The following COL26A1 variants were observed in gnomAD, a reference collection of about 807,000 sequenced individuals.
COL26A1 encodes the protein collagen type XXVI alpha 1 chain.
COL26A1 carries 41 observed loss-of-function variants against 59.3 expected under a neutral mutation model. The observed-to-expected ratio is 0.69, with a 90% CI of 0.54 to 0.90. The LOEUF is 0.90. Among genes scored for constraint, COL26A1 ranks in the 40% least tolerant of loss-of-function variants. The pLI is 0.00. For missense variants in COL26A1, 612 were observed against 602.3 expected (o/e 1.02, Z -0.17); for synonymous variants, 266 against 256.0 (o/e 1.04, Z -0.37).
chr7:101,528,787 G>A (rs1490890280), intron 3 of COL26A1, among the ~76,000 whole-genome samples: 2 of 152,080 alleles, frequency 1.3e-5, no homozygotes, highest in East Asian at 1.9e-4. Context: ...GGGCTCAAGC[G>A]ATCCACCCAC....
Position 101,502,948 on chromosome 7 carries a change from G to T in COL26A1, c.386-30134G>T, listed in dbSNP as rs552726195. ...CAGTGACTTTGGGTCCCAAGGTGGGGCCCATCTGCTGCCTCCTCCTTCTCA... is the reference window on the plus strand; with the variant it reads ...CAGTGACTTTGGGTCCCAAGGTGGGTCCCATCTGCTGCCTCCTCCTTCTCA... On this transcript the variant is annotated intron_variant, in intron 3 of 12. Transcript: ENST00000313669. Among the ~76,000 whole-genome samples the T allele has an allele frequency of 3.9e-5, 6 of 152,144 alleles. No individual in the cohort carries two copies. The East Asian group carries it at 9.6e-4, about 24-fold the overall frequency.
At chr7:101,496,101 C>T (rs757929504) in intron 3 of COL26A1, among the ~76,000 whole-genome samples, 9 of 152,060 alleles carry the variant, frequency 5.9e-5, no homozygotes, top group Non-Finnish European at 7.4e-5. Context: ...ATAAAAAAGG[C>T]GGCTTAGCAT....
At chr7:101,434,023 T>C (rs985512266) in intron 2 of COL26A1, among the ~76,000 whole-genome samples, 1 of 148,912 alleles carries the variant, frequency 6.7e-6, no homozygotes, top group Admixed American at 6.7e-5. Context: ...TTTTCCCATC[T>C]GGTGATTACT....
At chr7:101,543,174 CTTTTT>C (rs11363180) in intron 5 of COL26A1, among the ~76,000 whole-genome samples, 12 of 148,086 alleles carry the variant, frequency 8.1e-5, no homozygotes, top group Non-Finnish European at 1.5e-4. Flanking sequence ...GATCAGCAAA[CTTTTT>C]TTTTTTTTCT....
intron 3 of COL26A1, among the ~76,000 whole-genome samples, chr7:101,472,079 A>C (rs1459537413): frequency 6.6e-6 from 1 of 152,058 alleles, no homozygotes; most frequent in African/African-American, 2.4e-5. Context: ...AACATGGCTC[A>C]CTGCAGCCTC....
chr7:101,470,568 T>C (rs947839598), intron 3 of COL26A1, among the ~76,000 whole-genome samples: 1 of 151,936 alleles, frequency 6.6e-6, no homozygotes, highest in African/African-American at 2.4e-5. Context: ...TCGCCGTTGC[T>C]CTCTGCCTAA....
chr7:101,543,844 C>T (rs1795669071), intron 5 of COL26A1, among the ~76,000 whole-genome samples, 154 bp from the exon 6 acceptor site: 1 of 152,232 alleles, frequency 6.6e-6, no homozygotes. Context: ...ATAACCAGCT[C>T]CAAGGTGATG....
intron 3 of COL26A1, among the ~76,000 whole-genome samples, chr7:101,460,139 C>G (rs927317844): frequency 6.6e-6 from 1 of 152,132 alleles, no homozygotes; most frequent in Non-Finnish European, 1.5e-5. Flanking sequence ...GTGCATAGCA[C>G]GTTCCGGGCG....
At chr7:101,554,567 T>TAAAAAAAAAAAAAAAAAAAAAAAA (rs57638079) in intron 11 of COL26A1, among the ~76,000 whole-genome samples, 1 of 120,508 alleles carries the variant, frequency 8.3e-6, no homozygotes, top group Non-Finnish European at 1.7e-5. Context: ...CCCCATTTCT[T>TAAAAAAAAAAAAAAAAAAAAAAAA]AAAAAAAAAA....
At chr7:101,554,567 T>TAAAAAAAAAAAA (rs57638079) in intron 11 of COL26A1, among the ~76,000 whole-genome samples, 3 of 120,506 alleles carry the variant, frequency 2.5e-5, no homozygotes, top group Non-Finnish European at 3.4e-5. Flanking sequence ...CCCCATTTCT[T>TAAAAAAAAAAAA]AAAAAAAAAA....
At chr7:101,371,271 A>G (rs543542189) in intron 1 of COL26A1, among the ~76,000 whole-genome samples, 103 of 152,338 alleles carry the variant, frequency 6.8e-4, no homozygotes, top group Middle Eastern at 3.4e-3. Context: ...GATCACATCC[A>G]TGGGGACTTG....
chr7:101,377,461 G>A (rs1791345861), intron 1 of COL26A1, among the ~76,000 whole-genome samples: 1 of 152,076 alleles, frequency 6.6e-6, no homozygotes. Context: ...GTCTCACTCT[G>A]TTGTTCAGGC....
intron 7 of COL26A1, 88 bp from the exon 8 acceptor site, chr7:101,547,068 C>A: frequency 1.1e-6 from 1 of 916,152 alleles, no homozygotes; most frequent in Non-Finnish European, 1.7e-6. Context: ...TTCGTGTGGC[C>A]TGGCTCAGGG....
At chr7:101,415,921 C>CCATGCCTGGTCAGAATTT (rs1470889068) in intron 1 of COL26A1, among the ~76,000 whole-genome samples, 7 of 145,790 alleles carry the variant, frequency 4.8e-5, no homozygotes, top group South Asian at 2.2e-4. Flanking sequence ...GCGTGAGCCA[C>CCATGCCTGGTCAGAATTT]TGCACCCAAC....
At position 101,524,991 on chromosome 7, in the gene COL26A1, C is replaced by T. The variant is rs182258452; in HGVS notation, c.386-8091C>T. ...GGGTTATAGACAGACTTTGTCCATG[C>T]CCAGTCATGGTCCAGGCACTTGCTT... is the stretch of plus-strand genomic sequence containing the variant. On this transcript the variant is annotated intron_variant, in intron 3 of 12. Transcript: ENST00000313669. Among the ~76,000 whole-genome samples, 91 of 152,130 alleles carry T rather than the reference C, an allele frequency of 6.0e-4. 1 individual carries two copies. The highest frequency in any genetic ancestry group is 3.2e-4 in the Non-Finnish European group (22 of 68,000).
At chr7:101,362,795 C>T (rs746027981), upstream of COL26A1, 19 of 532,132 alleles carry the variant, frequency 3.6e-5, no homozygotes, top group Non-Finnish European at 5.9e-5. Flanking sequence ...CGAGGGTTAA[C>T]AAAAAAGCCC....
chr7:101,536,778 G>C (rs529150042), intron 4 of COL26A1, among the ~76,000 whole-genome samples: 2 of 152,212 alleles, frequency 1.3e-5, no homozygotes, highest in Non-Finnish European at 2.9e-5. Flanking sequence ...AGGTGGTCTC[G>C]GGATTGGTTT....
chr7:101,524,458 C>T (rs1275577342), intron 3 of COL26A1, among the ~76,000 whole-genome samples: 1 of 152,038 alleles, frequency 6.6e-6, no homozygotes, highest in Non-Finnish European at 1.5e-5. Context: ...GTTTGATGTC[C>T]CAGCGTAACA....
At chr7:101,375,037 G>T (rs1791279676) in intron 1 of COL26A1, among the ~76,000 whole-genome samples, 3 of 151,304 alleles carry the variant, frequency 2.0e-5, no homozygotes, top group African/African-American at 7.3e-5. Flanking sequence ...TCCAGCCTGG[G>T]TGACAGAGTA....
Sources: gnomAD v4.1 joint callset for allele counts (sites outside exome capture counted in the v4.1 genomes callset) on GRCh38, gnomAD v4.1.1 for gene constraint, MANE v1.5 for transcripts, NCBI Gene and HGNC (gene_info 2026-07-23, HGNC 2026-07-21) for gene names.